TPST1: variants seen among roughly 807,000 people sequenced by gnomAD.
The protein encoded by TPST1 is protein-tyrosine sulfotransferase 1.
In TPST1, 20 loss-of-function variants were observed where a neutral mutation model predicts 34.8. The ratio of observed to expected loss-of-function variants is 0.57; its 90% confidence interval spans 0.40 to 0.84. The LOEUF is 0.84. TPST1 is among the 40% of genes least tolerant of loss of function. The pLI, the probability that TPST1 is intolerant of heterozygous loss-of-function variation, is 0.00. For missense variants in TPST1, 353 were observed against 455.5 expected, an observed-to-expected ratio of 0.78 and a Z score of 2.05; for synonymous variants, 152 against 159.4, an observed-to-expected ratio of 0.95 and a Z score of 0.35.
intron 3 of TPST1, among the ~76,000 whole-genome samples, chr7:66,326,056 AAC>A (rs1223219924): frequency 6.6e-6 from 1 of 152,218 alleles, no homozygotes; most frequent in Non-Finnish European, 1.5e-5. Context: ...GGGAGGCTCC[AAC>A]AGAGTCACTT....
intron 2 of TPST1, among the ~76,000 whole-genome samples, chr7:66,278,452 C>T (rs1029540828): frequency 5.3e-5 from 8 of 152,076 alleles, no homozygotes; most frequent in African/African-American, 1.7e-4. Context: ...AGATACTCTT[C>T]GTGATTCTGC....
At chr7:66,282,119 C>T (rs745698791) in intron 2 of TPST1, among the ~76,000 whole-genome samples, 1 of 152,004 alleles carries the variant, frequency 6.6e-6, no homozygotes, top group African/African-American at 2.4e-5. Flanking sequence ...CTAGTTCATA[C>T]CGTAGTATGC....
intron 2 of TPST1, among the ~76,000 whole-genome samples, chr7:66,279,054 A>G (rs920970790): frequency 6.6e-6 from 1 of 152,046 alleles, no homozygotes; most frequent in Non-Finnish European, 1.5e-5. Flanking sequence ...ATAGTACTCT[A>G]TGGGTAGTTT....
intron 2 of TPST1, among the ~76,000 whole-genome samples, chr7:66,247,661 C>T (rs1790179158): frequency 6.6e-6 from 1 of 152,314 alleles, no homozygotes; most frequent in Non-Finnish European, 1.5e-5. Flanking sequence ...ATTGTGCTCC[C>T]TGGGTGACCC....
intron 2 of TPST1, among the ~76,000 whole-genome samples, chr7:66,285,499 G>A (rs915345349): frequency 2.6e-5 from 4 of 152,228 alleles, no homozygotes; most frequent in Admixed American, 6.5e-5. Flanking sequence ...AGAAGCCCAG[G>A]GAAGAGGCAT....
chr7:66,347,000 G>T (rs1179383626), intron 3 of TPST1, among the ~76,000 whole-genome samples: 1 of 134,464 alleles, frequency 7.4e-6, no homozygotes, highest in Admixed American at 7.4e-5. Flanking sequence ...TTTGATTTTT[G>T]TATATGGCAA....
chr7:66,286,024 T>C (rs1791026881), intron 2 of TPST1, among the ~76,000 whole-genome samples: 1 of 152,232 alleles, frequency 6.6e-6, no homozygotes, highest in Admixed American at 6.5e-5. Flanking sequence ...AGTTAAAATG[T>C]ACAGAAGAAT....
chr7:66,275,707 C>T (rs1790795373), intron 2 of TPST1, among the ~76,000 whole-genome samples: 1 of 151,996 alleles, frequency 6.6e-6, no homozygotes, highest in East Asian at 1.9e-4. Context: ...TGGTGGTTAC[C>T]AGGGCCTGGA....
At chr7:66,335,884 A>C (rs1792108718) in intron 3 of TPST1, among the ~76,000 whole-genome samples, 1 of 152,242 alleles carries the variant, frequency 6.6e-6, no homozygotes, top group African/African-American at 2.4e-5. Context: ...CAACATAAAC[A>C]AGCAATGATT....
At chr7:66,203,755 G>A (rs1789064120), upstream of TPST1, among the ~76,000 whole-genome samples, 1 of 152,058 alleles carries the variant, frequency 6.6e-6, no homozygotes, top group Non-Finnish European at 1.5e-5. Flanking sequence ...AAACTGCTGG[G>A]ATTACAGGCG....
At chr7:66,257,333 G>A (rs1019573548) in intron 2 of TPST1, among the ~76,000 whole-genome samples, 1 of 152,184 alleles carries the variant, frequency 6.6e-6, no homozygotes, top group African/African-American at 2.4e-5. Context: ...AGTATACAAG[G>A]GTGGAACAGG....
chr7:66,330,441 C>G (rs778963087), intron 3 of TPST1, among the ~76,000 whole-genome samples: 1 of 152,208 alleles, frequency 6.6e-6, no homozygotes, highest in Non-Finnish European at 1.5e-5. Context: ...ATCTTTCCCT[C>G]AATTTCTCTG....
chr7:66,324,365 C>G (rs1791818281), intron 3 of TPST1, among the ~76,000 whole-genome samples: 1 of 152,120 alleles, frequency 6.6e-6, no homozygotes, highest in African/African-American at 2.4e-5. Flanking sequence ...TCTGTGTTTA[C>G]TCCATAGAAT....
At chr7:66,328,273 C>T (rs1225813653) in intron 3 of TPST1, among the ~76,000 whole-genome samples, 2 of 151,832 alleles carry the variant, frequency 1.3e-5, no homozygotes, top group Admixed American at 6.6e-5. Flanking sequence ...GCAATCTTCT[C>T]GCCCCAGCCT....
chr7:66,317,181 G>C (rs1791650459), intron 3 of TPST1, among the ~76,000 whole-genome samples: 1 of 152,186 alleles, frequency 6.6e-6, no homozygotes, highest in African/African-American at 2.4e-5. Flanking sequence ...TTTAATGAAT[G>C]TGTTCAAAAA....
chr7:66,299,044 T>G (rs1431227224), intron 3 of TPST1, among the ~76,000 whole-genome samples: 1 of 151,532 alleles, frequency 6.6e-6, no homozygotes, highest in African/African-American at 2.4e-5. Context: ...GAGAATGGCA[T>G]GAACCTGGGA....
At chr7:66,356,718 A>T in intron 4 of TPST1, 107 bp from the exon 5 acceptor site, 1 of 1,296,392 alleles carries the variant, frequency 7.7e-7, no homozygotes, top group Middle Eastern at 1.8e-4. Context: ...AGTTCATCTG[A>T]AAGTGAACAG....
At chr7:66,221,857 C>T (rs185679181) in intron 1 of TPST1, among the ~76,000 whole-genome samples, 1 of 152,190 alleles carries the variant, frequency 6.6e-6, no homozygotes, top group East Asian at 1.9e-4. Flanking sequence ...TGTTTTTCCT[C>T]TCTGCTATGA....
chr7:66,265,218 C>T (rs1790566466), intron 2 of TPST1, among the ~76,000 whole-genome samples: 1 of 152,072 alleles, frequency 6.6e-6, no homozygotes, highest in South Asian at 2.1e-4. Context: ...ACAGGAATCT[C>T]AGAAGGAGAG....
Sources: gnomAD v4.1 joint callset for allele counts (sites outside exome capture counted in the v4.1 genomes callset) on GRCh38, gnomAD v4.1.1 for gene constraint, MANE v1.5 for transcripts, NCBI Gene and HGNC (gene_info 2026-07-23, HGNC 2026-07-21) for gene names.